FFAR2: variants seen among roughly 807,000 people sequenced by gnomAD.
FFAR2 encodes the protein G-protein coupled receptor 43.
For synonymous variants in FFAR2, 193 were observed against 189.9 expected, an observed-to-expected ratio of 1.02 and a Z score of -0.13; for missense variants, 421 against 428.9, an observed-to-expected ratio of 0.98 and a Z score of 0.16.
chr19:35,448,491 T>C (rs1248790963), intron 1 of FFAR2, 112 bp downstream of exon 1: 1 of 152,298 alleles, frequency 6.6e-6, no homozygotes, highest in Non-Finnish European at 1.5e-5. Flanking sequence ...GGAAGACTCA[T>C]ACCCAGAGAC....
rs766489704 is a variant in FFAR2, at chr19:35,450,253, G to A, written c.539G>A (p.Arg180Gln). The A allele has an allele frequency of 1.3e-5, 21 of 1,614,068 alleles. No homozygotes were observed. Among genetic ancestry groups the A allele is most frequent in the African/African-American group, 1.2e-4 (9 of 74,938 alleles). Reference protein sequence around the residue: ...DNQLDVVLPVRLELCLVLFFI... With the variant: ...DNQLDVVLPVQLELCLVLFFI... ...CAGTTGGACGTGGTGCTGCCCGTGC[G>A]GCTGGAGCTGTGCCTGGTGCTCTTC... is the stretch of plus-strand genomic sequence containing the variant. The change falls in exon 2 of 2, where the codon CGG becomes CAG. Residue 180 changes from arginine to glutamine, a missense_variant. By Grantham distance (43) the Arg-to-Gln change is conservative. Transcript: ENST00000599180.
At chr19:35,449,028 T>G (rs567281362) in intron 1 of FFAR2, among the ~76,000 whole-genome samples, 1 of 151,912 alleles carries the variant, frequency 6.6e-6, no homozygotes, top group South Asian at 2.1e-4. Context: ...TGTTTCGAAC[T>G]CCTGACTTCA....
In FFAR2 at chr19:35,449,979, T is replaced by G. The variant is rs1338150311; in HGVS notation, c.265T>G (p.Phe89Val). ...KVVCALTSFG[F>V]YSSIYCSTWL... ...CGTCTGCGCCCTCACGAGTTTTGGCTTCTACAGCAGCATCTACTGCAGCAC... is the reference window on the plus strand; with the variant it reads ...CGTCTGCGCCCTCACGAGTTTTGGCGTCTACAGCAGCATCTACTGCAGCAC... The change falls in exon 2 of 2, where the codon TTC becomes GTC. Residue 89 changes from phenylalanine to valine, a missense_variant. Coordinates refer to ENST00000599180, the MANE Select transcript of FFAR2 (RefSeq NM_001370087.1). 1.2e-6 allele frequency: 2 copies of G among 1,614,154 alleles called. No individual in the cohort carries two copies. Among genetic ancestry groups the G allele is most frequent in the Non-Finnish European group, 1.7e-6 (2 of 1,180,042 alleles).
Position 35,450,843 on chromosome 19 carries a change from C to A in FFAR2, c.*136C>A. 1 of 880,526 alleles carries A rather than the reference C, an allele frequency of 1.1e-6. No homozygotes were observed. The highest frequency in any genetic ancestry group is 1.7e-6 in the Non-Finnish European group (1 of 588,062). The allele number at this position is 880,526 out of a possible 1,614,324, so 54.5% of individuals were successfully genotyped here. A position where few individuals can be genotyped will look rare whatever the true frequency, so the allele number is the denominator to read the frequency against. On this transcript the variant is annotated 3_prime_UTR_variant, in exon 2 of 2. Coordinates refer to ENST00000599180, the MANE Select transcript of FFAR2 (RefSeq NM_001370087.1). ...CAGGACTGCGACTTTGAAAAAAATG[C>A]CTTTCACCAGCTTGGTATCCCTTCC...
intron 1 of FFAR2, 84 bp from the exon 2 acceptor site, chr19:35,449,630 G>A: frequency 7.0e-7 from 1 of 1,420,180 alleles, no homozygotes; most frequent in Non-Finnish European, 9.5e-7. Context: ...GTGCCGGGGA[G>A]GATGTCCGCA....
Position 35,449,762 on chromosome 19 carries a change from C to T in FFAR2, c.48C>T (p.Ile16=). 6.3e-7 allele frequency: 1 copy of T among 1,593,492 alleles called. No individual in the cohort carries two copies. The highest frequency in any genetic ancestry group is 8.5e-7 in the Non-Finnish European group (1 of 1,171,316). Residue 16 remains isoleucine (I), a synonymous_variant, in exon 2 of 2, where the codon ATC becomes ATT. Coordinates refer to ENST00000599180, the MANE Select transcript of FFAR2 (RefSeq NM_001370087.1). The stretch of plus-strand genomic sequence containing the variant: ...CCTTGATCCTCATGGCTTACATCAT[C>T]ATCTTCCTCACTGGCCTCCCTGCCA... ...KSSLILMAYI[I]IFLTGLPANL...
chr19:35,450,514 G>T lies in FFAR2; in HGVS notation c.800G>T (p.Ser267Ile), dbSNP rs775732916. 6.2e-7 allele frequency: 1 copy of T among 1,614,264 alleles called. No individual in the cohort carries two copies. Among genetic ancestry groups the T allele is most frequent in the Non-Finnish European group, 8.5e-7 (1 of 1,180,050 alleles). Reference protein sequence around the residue: ...IAVVFSSLNASLDPLLFYFSS... With the variant: ...IAVVFSSLNAILDPLLFYFSS... ...GTGGTGTTCAGTTCACTCAACGCCA[G>T]TCTGGACCCCCTGCTCTTCTATTTC... Residue 267 changes from serine (S) to isoleucine (I), a missense_variant, in exon 2 of 2, where the codon AGT becomes ATT. Ser to Ile is a moderately radical substitution (Grantham distance 142). Coordinates refer to ENST00000599180, the MANE Select transcript of FFAR2 (RefSeq NM_001370087.1).
Position 35,450,730 on chromosome 19 carries a change from G to C in FFAR2, c.*23G>C, listed in dbSNP as rs1320071100. On this transcript the variant is annotated 3_prime_UTR_variant, in exon 2 of 2. Coordinates refer to ENST00000599180, the MANE Select transcript of FFAR2 (RefSeq NM_001370087.1). Reference sequence around the variant, plus strand: ...TAGCAGTTTCCCTGGACCTTCAGAGGTCGCCTGGGTTACACAGGAGCTGGG... The same window carrying C: ...TAGCAGTTTCCCTGGACCTTCAGAGCTCGCCTGGGTTACACAGGAGCTGGG... 6.3e-7 allele frequency: 1 copy of C among 1,597,492 alleles called. No homozygotes were observed. Among genetic ancestry groups the C allele is most frequent in the Admixed American group, 1.7e-5 (1 of 58,700 alleles).
rs200658589 is a variant in FFAR2, at chr19:35,450,733, G to A, written c.*26G>A. The A allele has an allele frequency of 2.5e-5, 40 of 1,595,308 alleles. No homozygotes were observed. Among genetic ancestry groups the A allele is most frequent in the Admixed American group, 1.7e-4 (10 of 58,436 alleles). ...CAGTTTCCCTGGACCTTCAGAGGTC[G>A]CCTGGGTTACACAGGAGCTGGGAAG... On this transcript the variant is annotated 3_prime_UTR_variant, in exon 2 of 2. Coordinates refer to ENST00000599180, the MANE Select transcript of FFAR2 (RefSeq NM_001370087.1).
At position 35,450,273 on chromosome 19, in the gene FFAR2, C is replaced by T; in HGVS notation, c.559C>T (p.Leu187Phe). 2.5e-6 allele frequency: 4 copies of T among 1,614,224 alleles called. No individual in the cohort carries two copies. Among genetic ancestry groups the T allele is most frequent in the Non-Finnish European group, 2.5e-6 (3 of 1,180,040 alleles). Reference sequence around the variant, plus strand: ...CGTGCGGCTGGAGCTGTGCCTGGTGCTCTTCTTCATCCCCATGGCAGTCAC... The same window carrying T: ...CGTGCGGCTGGAGCTGTGCCTGGTGTTCTTCTTCATCCCCATGGCAGTCAC... ...LPVRLELCLVLFFIPMAVTIF... is the reference protein window; with the variant it reads ...LPVRLELCLVFFFIPMAVTIF... Residue 187 changes from leucine to phenylalanine, a missense_variant, in exon 2 of 2, where the codon CTC becomes TTC. By Grantham distance (22) the Leu-to-Phe change is conservative. Transcript: ENST00000599180.
rs1197203410 is a variant in FFAR2, at chr19:35,450,078, C to T, written c.364C>T (p.Arg122Trp). The T allele has an allele frequency of 3.1e-6, 5 of 1,614,202 alleles. No homozygotes were observed. The highest frequency in any genetic ancestry group is 3.4e-6 in the Non-Finnish European group (4 of 1,180,046). ...AFPVQYKLSR[R>W]PLYGVIAALV... ...CCCCGTGCAGTACAAGCTCTCCCGC[C>T]GGCCTCTGTATGGAGTGATTGCAGC... The change falls in exon 2 of 2, where the codon CGG becomes TGG. Residue 122 changes from arginine (R) to tryptophan (W), a missense_variant. Arg to Trp is a moderately radical substitution (Grantham distance 101). Transcript: ENST00000599180.
rs531566827 is a variant in FFAR2, at chr19:35,449,817, C to T, written c.103C>T (p.Arg35Trp). The part of the protein sequence containing the change: ...NLLALRAFVG[R>W]IRQPQPAPVH... ...CCTGGCCCTGCGGGCCTTTGTGGGG[C>T]GGATCCGCCAGCCCCAGCCTGCACC... Residue 35 changes from arginine (R) to tryptophan (W), a missense_variant, in exon 2 of 2, where the codon CGG (arginine) becomes TGG (tryptophan). Physicochemically the swap from Arg to Trp is moderately radical, Grantham distance 101. Transcript: ENST00000599180. 1.6e-5 allele frequency: 26 copies of T among 1,613,594 alleles called. No homozygotes were observed. The highest frequency in any genetic ancestry group is 4.4e-5 in the South Asian group (4 of 90,972).
In FFAR2 at chr19:35,451,020, G is replaced by C. The variant is rs1462562536; in HGVS notation, c.*313G>C. 1.5e-5 allele frequency: 4 copies of C among 262,920 alleles called. No homozygotes were observed. Among genetic ancestry groups the C allele is most frequent in the Non-Finnish European group, 3.0e-5 (4 of 135,440 alleles). 16.3% of individuals were successfully genotyped at this position (262,920 alleles called of 1,614,324 possible). ...GTGGATCACTTGAGGTCGGGAGATT[G>C]AGAACATCCTGGTCAACATGGGAAA... On this transcript the variant is annotated 3_prime_UTR_variant, in exon 2 of 2. Coordinates refer to ENST00000599180, the MANE Select transcript of FFAR2 (RefSeq NM_001370087.1).
In FFAR2 at chr19:35,449,870, G is replaced by C; in HGVS notation, c.156G>C (p.Thr52=). The C allele has an allele frequency of 6.2e-7, 1 of 1,613,208 alleles. No individual in the cohort carries two copies. Among genetic ancestry groups the C allele is most frequent in the Admixed American group, 1.7e-5 (1 of 60,026 alleles). ...APVHILLLSL[T]LADLLLLLLL... ...TGCACATCCTCCTGCTGAGCCTGAC[G>C]CTGGCCGACCTCCTCCTGCTGCTGC... Residue 52 remains threonine (T), a synonymous_variant, in exon 2 of 2, where the codon ACG becomes ACC. Transcript: ENST00000599180.
At position 35,450,750 on chromosome 19, in the gene FFAR2, G is replaced by A. The variant is rs757183998; in HGVS notation, c.*43G>A. The A allele has an allele frequency of 1.7e-5, 26 of 1,573,502 alleles. No individual in the cohort carries two copies. Among genetic ancestry groups the A allele is most frequent in the Non-Finnish European group, 2.2e-5 (26 of 1,156,894 alleles). The stretch of plus-strand genomic sequence containing the variant: ...CAGAGGTCGCCTGGGTTACACAGGA[G>A]CTGGGAAGCCTGGGAGAGGCGGAGC... On this transcript the variant is annotated 3_prime_UTR_variant, in exon 2 of 2. Transcript: ENST00000599180.
At position 35,449,969 on chromosome 19, in the gene FFAR2, GAGT is replaced by G; in HGVS notation, c.256_258del (p.Ser86del). The G allele has an allele frequency of 6.2e-7, 1 of 1,614,064 alleles. No homozygotes were observed. The highest frequency in any genetic ancestry group is 8.5e-7 in the Non-Finnish European group (1 of 1,180,036). ...TGCCCAAGGTCGTCTGCGCCCTCACGAGTTTTGGCTTCTACAGCAGCATCTACT... is the reference window on the plus strand; with the variant it reads ...TGCCCAAGGTCGTCTGCGCCCTCACGTTTGGCTTCTACAGCAGCATCTACT... On this transcript the variant is annotated inframe_deletion, in exon 2 of 2. Coordinates refer to ENST00000599180, the MANE Select transcript of FFAR2 (RefSeq NM_001370087.1).
intron 1 of FFAR2, 78 bp from the exon 2 acceptor site, chr19:35,449,636 C>A: frequency 6.9e-7 from 1 of 1,443,558 alleles, no homozygotes. Context: ...GGGAGGATGT[C>A]CGCATCCTGA....
intron 1 of FFAR2, among the ~76,000 whole-genome samples, chr19:35,448,880 T>C (rs1314955057): frequency 2.6e-5 from 4 of 151,228 alleles, no homozygotes; most frequent in Non-Finnish European, 4.4e-5. Flanking sequence ...CTTGACTCAC[T>C]GCAACCTCTG....
chr19:35,449,612 AG>A, intron 1 of FFAR2, 101 bp from the exon 2 acceptor site: 3 of 1,247,706 alleles, frequency 2.4e-6, no homozygotes, highest in South Asian at 1.5e-5. Flanking sequence ...AGTCCTGGGA[AG>A]GGGACGGTGC....
Sources: gnomAD v4.1 joint callset for allele counts (sites outside exome capture counted in the v4.1 genomes callset) on GRCh38, gnomAD v4.1.1 for gene constraint, MANE v1.5 for transcripts, NCBI Gene and HGNC (gene_info 2026-07-23, HGNC 2026-07-21) for gene names.